The following CTNNA3 variants were observed in gnomAD, a reference collection of about 807,000 sequenced individuals.
CTNNA3 encodes the protein catenin alpha 3.
A neutral mutation model predicts 95.7 loss-of-function variants in CTNNA3; 76 were observed. The observed-to-expected ratio is 0.79, with a 90% CI of 0.66 to 0.96. The LOEUF is 0.96. Ranked by LOEUF, CTNNA3 falls within the 40% of genes least tolerant of loss-of-function variation. The pLI is 0.00. For synonymous variants in CTNNA3, 431 were observed against 374.4 expected (o/e 1.15, Z -1.74); for missense variants, 1,191 against 1,089.8 (o/e 1.09, Z -1.31).
chr10:66,406,138 A>C (rs1426619069), intron 11 of CTNNA3, among the ~76,000 whole-genome samples: 1 of 152,200 alleles, frequency 6.6e-6, no homozygotes, highest in Non-Finnish European at 1.5e-5. Context: ...TCTGAGAACT[A>C]ATGAAAATAA....
intron 3 of CTNNA3, among the ~76,000 whole-genome samples, chr10:67,572,404 G>A (rs969504516): frequency 6.6e-6 from 1 of 152,112 alleles, no homozygotes; most frequent in African/African-American, 2.4e-5. Flanking sequence ...TTGTGTCCCA[G>A]GGTCAGCCAG....
At chr10:66,093,409 C>T (rs1338665284) in intron 14 of CTNNA3, among the ~76,000 whole-genome samples, 2 of 151,816 alleles carry the variant, frequency 1.3e-5, no homozygotes, top group African/African-American at 4.8e-5. Context: ...TCAATAGGGG[C>T]TAAAGTATAA....
chr10:66,086,388 C>T (rs2080984685), intron 14 of CTNNA3, among the ~76,000 whole-genome samples: 1 of 152,072 alleles, frequency 6.6e-6, no homozygotes, highest in South Asian at 2.1e-4. Context: ...GGCTCTCAGA[C>T]AAGTCACATC....
chr10:66,865,354 G>A (rs1190970622), intron 7 of CTNNA3, among the ~76,000 whole-genome samples: 2 of 151,920 alleles, frequency 1.3e-5, no homozygotes, highest in African/African-American at 4.8e-5. Flanking sequence ...CTATCATCAT[G>A]TTAAAAAGAC....
At chr10:66,383,062 C>G (rs545782041) in intron 11 of CTNNA3, among the ~76,000 whole-genome samples, 5 of 152,274 alleles carry the variant, frequency 3.3e-5, no homozygotes, top group African/African-American at 1.2e-4. Flanking sequence ...AACTCCTCAC[C>G]AGCAATGGAA....
chr10:67,250,191 G>C (rs752812251), intron 5 of CTNNA3, among the ~76,000 whole-genome samples: 1 of 151,872 alleles, frequency 6.6e-6, no homozygotes, highest in Non-Finnish European at 1.5e-5. Flanking sequence ...GGATTTGTGG[G>C]ATATGAAATC....
At chr10:66,494,366 G>A (rs1564489756) in intron 11 of CTNNA3, among the ~76,000 whole-genome samples, 1 of 152,164 alleles carries the variant, frequency 6.6e-6, no homozygotes, top group Non-Finnish European at 1.5e-5. Context: ...ACTGCCAGGT[G>A]GTATTCCAGG....
intron 7 of CTNNA3, among the ~76,000 whole-genome samples, chr10:66,957,604 T>C (rs1250742552): frequency 6.6e-6 from 1 of 151,820 alleles, no homozygotes; most frequent in Non-Finnish European, 1.5e-5. Flanking sequence ...GTCTGGATTC[T>C]GTCAGGAAAC....
intron 1 of CTNNA3, among the ~76,000 whole-genome samples, chr10:67,678,768 T>G (rs1840576772): frequency 6.6e-6 from 1 of 152,088 alleles, no homozygotes; most frequent in Admixed American, 6.6e-5. Flanking sequence ...GCTGAGATGT[T>G]TAAAGAACAC....
At chr10:66,596,494 C>T (rs1843719372) in intron 10 of CTNNA3, among the ~76,000 whole-genome samples, 1 of 152,114 alleles carries the variant, frequency 6.6e-6, no homozygotes, top group African/African-American at 2.4e-5. Context: ...TTAAACAATT[C>T]AGGACACTGT....
chr10:67,561,808 T>A (rs533722203), intron 3 of CTNNA3, among the ~76,000 whole-genome samples: 4 of 151,996 alleles, frequency 2.6e-5, no homozygotes, highest in African/African-American at 4.8e-5. Flanking sequence ...AAAGGGGATA[T>A]CACCGCCAAT....
chr10:66,429,178 C>A (rs183286022), intron 11 of CTNNA3, among the ~76,000 whole-genome samples: 2 of 152,186 alleles, frequency 1.3e-5, no homozygotes, highest in African/African-American at 4.8e-5. Flanking sequence ...ATCCTCTACA[C>A]ATACACCCTC....
chr10:67,727,099 AAT>A lies in CTNNA3; in HGVS notation c.-2+36333_-2+36334del, dbSNP rs1164331541. Among the ~76,000 whole-genome samples, 51 of 120,336 alleles carry A rather than the reference AAT, an allele frequency of 4.2e-4. No homozygotes were observed. The East Asian group carries it at 0.011, about 26-fold the overall frequency. The allele number at this position is 120,336 out of a possible 152,430, so 78.9% of individuals were successfully genotyped here. A position where few individuals can be genotyped will look rare whatever the true frequency, so the allele number is the denominator to read the frequency against. ...ATACATATATGATATAATTATATAT[AAT>A]ATATGATACATATATGATATAATTA... is the stretch of plus-strand genomic sequence containing the variant. On this transcript the variant is annotated intron_variant, in intron 1 of 17. Coordinates refer to the CTNNA3 transcript ENST00000684154.
At chr10:65,943,540 G>A (rs2077462495) in intron 17 of CTNNA3, among the ~76,000 whole-genome samples, 1 of 152,188 alleles carries the variant, frequency 6.6e-6, no homozygotes. Context: ...GCAACTAGCA[G>A]GGTGAATGGT....
At chr10:66,677,787 C>A (rs1341660798) in intron 9 of CTNNA3, among the ~76,000 whole-genome samples, 1 of 152,010 alleles carries the variant, frequency 6.6e-6, no homozygotes, top group Non-Finnish European at 1.5e-5. Flanking sequence ...TATAAATTAC[C>A]CGGTCTCTGG....
chr10:66,129,293 A>G (rs1178986166), intron 13 of CTNNA3, among the ~76,000 whole-genome samples: 1 of 152,130 alleles, frequency 6.6e-6, no homozygotes, highest in Non-Finnish European at 1.5e-5. Flanking sequence ...AAAAACTTCT[A>G]TTAAGGTACA....
At chr10:67,337,819 T>C (rs1842048493) in intron 5 of CTNNA3, among the ~76,000 whole-genome samples, 1 of 152,218 alleles carries the variant, frequency 6.6e-6, no homozygotes, top group African/African-American at 2.4e-5. Flanking sequence ...AGCAATAAAG[T>C]ATTTTTAAAT....
At position 67,087,059 on chromosome 10, in the gene CTNNA3, G is replaced by T. The variant is rs373049698; in HGVS notation, c.1047+93258C>A. On this transcript the variant is annotated intron_variant, in intron 7 of 17. Coordinates refer to ENST00000433211, the MANE Select transcript of CTNNA3 (RefSeq NM_013266.4). Reference sequence around the variant, plus strand: ...TTGGAAACACAGCACCAAGATTAGAGAGGCTTTTGAGCCATAGTTTCAATT... The same window carrying T: ...TTGGAAACACAGCACCAAGATTAGATAGGCTTTTGAGCCATAGTTTCAATT... 1.3e-4 allele frequency among the ~76,000 whole-genome samples: 20 copies of T among 152,174 alleles called. No homozygotes were observed. In the South Asian group the frequency reaches 3.3e-3, roughly 25 times the overall value.
chr10:66,334,964 CT>C (rs2092377882), intron 12 of CTNNA3, among the ~76,000 whole-genome samples: 2 of 152,034 alleles, frequency 1.3e-5, no homozygotes. Context: ...TCTCTTCTCG[CT>C]TCATTTTATT....
Sources: gnomAD v4.1 joint callset for allele counts (sites outside exome capture counted in the v4.1 genomes callset) on GRCh38, gnomAD v4.1.1 for gene constraint, MANE v1.5 for transcripts, NCBI Gene and HGNC (gene_info 2026-07-23, HGNC 2026-07-21) for gene names.